Variants in ZBTB16 observed in about 807,000 individuals in gnomAD.
The protein encoded by ZBTB16 is zinc finger and BTB domain containing 16.
ZBTB16 carries 8 observed loss-of-function variants against 56.8 expected under a neutral mutation model. That is an observed-to-expected ratio of 0.14 (90% CI 0.08 to 0.25). The LOEUF (loss-of-function observed/expected upper bound fraction) is 0.25. Among genes scored for constraint, ZBTB16 ranks in the 10% least tolerant of loss-of-function variants. The probability of loss-of-function intolerance (pLI) is 1.00; values close to 1 mark genes in which losing one functional copy is unlikely to be tolerated. For synonymous variants in ZBTB16, 363 were observed against 368.5 expected, an observed-to-expected ratio of 0.98 and a Z score of 0.17; for missense variants, 625 against 903.0, an observed-to-expected ratio of 0.69 and a Z score of 3.95.
chr11:114,163,225 C>T (rs1203825165), intron 3 of ZBTB16, among the ~76,000 whole-genome samples: 1 of 136,122 alleles, frequency 7.3e-6, no homozygotes, highest in Non-Finnish European at 1.6e-5. Context: ...CACCCCTTCT[C>T]GCTTTCTGCC....
In ZBTB16 at chr11:114,254,402, AAG is replaced by A. The variant is rs1362601328; in HGVS notation, c.*3849_*3850del. ...ACAGTTTTTCCATGTTGAGAAAAAAAAGAAAAAAAAACTGCTGCAATTTTTCA... is the reference window on the plus strand; with the variant it reads ...ACAGTTTTTCCATGTTGAGAAAAAAAAAAAAAAAACTGCTGCAATTTTTCA... On this transcript the variant is annotated 3_prime_UTR_variant, in exon 7 of 7. Transcript: ENST00000335953. Among the ~76,000 whole-genome samples the A allele has an allele frequency of 2.0e-5, 3 of 152,126 alleles. No homozygotes were observed. The highest frequency in any genetic ancestry group is 4.4e-5 in the Non-Finnish European group (3 of 68,034).
intron 2 of ZBTB16, among the ~76,000 whole-genome samples, chr11:114,128,182 G>T (rs1373656802): frequency 6.6e-6 from 1 of 152,240 alleles, no homozygotes; most frequent in Non-Finnish European, 1.5e-5. Flanking sequence ...GCAGCCATGG[G>T]CGAGAAGCCA....
rs150904218 is a variant in ZBTB16 at position 114,217,080 on chromosome 11, G to A, written c.1454-25087G>A. On this transcript the variant is annotated intron_variant, in intron 4 of 6. Transcript: ENST00000335953. ...AAGTAGCCAGGATGAAGGGAGAGAA[G>A]GACAGAAGAAATGGAACTGTATGTG... Among the ~76,000 whole-genome samples, 12 of 152,298 alleles carry A rather than the reference G, an allele frequency of 7.9e-5. No individual in the cohort carries two copies. The East Asian group carries it at 2.3e-3, about 29-fold the overall frequency.
intron 4 of ZBTB16, among the ~76,000 whole-genome samples, chr11:114,196,470 G>A (rs372778608): frequency 4.6e-5 from 7 of 152,304 alleles, no homozygotes; most frequent in African/African-American, 1.7e-4. Context: ...CAGGCCCAGG[G>A]TACTAGGTTG....
At chr11:114,080,869 T>A (rs1287597530) in intron 2 of ZBTB16, among the ~76,000 whole-genome samples, 2 of 152,240 alleles carry the variant, frequency 1.3e-5, no homozygotes, top group African/African-American at 4.8e-5. Flanking sequence ...TCTCCATTCC[T>A]CCTCTTGCCA....
chr11:114,059,885 G>A lies in ZBTB16; in HGVS notation c.-91+3G>A. 2.5e-6 allele frequency: 1 copy of A among 397,708 alleles called. No individual in the cohort carries two copies. The highest frequency in any genetic ancestry group is 4.4e-6 in the Non-Finnish European group (1 of 225,586). 24.6% of individuals were successfully genotyped at this position (397,708 alleles called of 1,614,324 possible). A position where few individuals can be genotyped will look rare whatever the true frequency, so the allele number is the denominator to read the frequency against. ...CCACAGTGCCCGGCTCGGCTGCGGTGAGTGAGGGGCCGGGAAGAGGCGCAC... is the reference window on the plus strand; with the variant it reads ...CCACAGTGCCCGGCTCGGCTGCGGTAAGTGAGGGGCCGGGAAGAGGCGCAC... On this transcript the variant is annotated splice_donor_region_variant and intron_variant, in intron 1 of 6. Coordinates refer to ENST00000335953, the MANE Select transcript of ZBTB16 (RefSeq NM_006006.6). This position sits in a 1 kb window ranked among gnomAD's most constrained non-coding sequence, Gnocchi z 5.3.
intron 3 of ZBTB16, among the ~76,000 whole-genome samples, chr11:114,160,046 G>A (rs1279543290): frequency 6.6e-6 from 1 of 151,908 alleles, no homozygotes; most frequent in African/African-American, 2.4e-5. Flanking sequence ...CCCTTGCACT[G>A]GCACATTCCT....
chr11:114,089,198 G>A (rs1940085243), intron 2 of ZBTB16, among the ~76,000 whole-genome samples: 1 of 152,160 alleles, frequency 6.6e-6, no homozygotes, highest in Admixed American at 6.5e-5. Context: ...GCTTTCCTAT[G>A]GATGATGTCC....
At chr11:114,070,387 C>T (rs937083268) in intron 2 of ZBTB16, among the ~76,000 whole-genome samples, 19 of 152,070 alleles carry the variant, frequency 1.2e-4, no homozygotes, top group Non-Finnish European at 1.8e-4. Context: ...GGATTACAGG[C>T]GTGAGCCACC....
chr11:114,070,378 G>T (rs1157341230), intron 2 of ZBTB16, among the ~76,000 whole-genome samples: 1 of 152,116 alleles, frequency 6.6e-6, no homozygotes, highest in Admixed American at 6.5e-5. Flanking sequence ...AAAGTGCTGG[G>T]ATTACAGGCG....
chr11:114,120,443 G>T (rs1212148573), intron 2 of ZBTB16, among the ~76,000 whole-genome samples: 1 of 152,126 alleles, frequency 6.6e-6, no homozygotes, highest in African/African-American at 2.4e-5. Context: ...CTCTTCTACT[G>T]TTTCATCCCT....
chr11:114,101,316 TTTTG>T lies in ZBTB16; in HGVS notation c.1268+36768_1268+36771del, dbSNP rs141539134. ...CACAGCGCGAGGCCTTGTTTGGTGT[TTTTG>T]TTTGTTTGTTTGTTTGTTTTATGGA... On this transcript the variant is annotated intron_variant, in intron 2 of 6. Transcript: ENST00000335953. Among the ~76,000 whole-genome samples the T allele has an allele frequency of 7.0e-4, 107 of 152,104 alleles. 1 individual carries two copies. The highest frequency in any genetic ancestry group is 6.8e-3 in the Middle Eastern group (2 of 294).
chr11:114,142,574 A>G (rs667129), intron 2 of ZBTB16, among the ~76,000 whole-genome samples: 10,873 of 152,324 alleles, frequency 0.071, 498 homozygotes, highest in Middle Eastern at 0.22. Flanking sequence ...CCTGTTGGAC[A>G]AAGGTGGGTA....
At chr11:114,176,117 A>T (rs1943108048) in intron 3 of ZBTB16, among the ~76,000 whole-genome samples, 1 of 151,982 alleles carries the variant, frequency 6.6e-6, no homozygotes, top group South Asian at 2.1e-4. Flanking sequence ...ATAGATGAGG[A>T]TGAGAGGAGA....
chr11:114,182,911 C>A (rs188032501), intron 3 of ZBTB16, among the ~76,000 whole-genome samples: 1 of 152,280 alleles, frequency 6.6e-6, no homozygotes, highest in East Asian at 1.9e-4. Context: ...CCTCTATTAT[C>A]GATCAAAGCT....
In ZBTB16 at chr11:114,250,848, TC is replaced by T. The variant is rs1303087600; in HGVS notation, c.*295del. Reference sequence around the variant, plus strand: ...TCAAATGGTGGCACATTTTTCTCCTTCCTTCACCCAGACCTTCTTTTATGTG... The same window carrying T: ...TCAAATGGTGGCACATTTTTCTCCTTCTTCACCCAGACCTTCTTTTATGTG... On this transcript the variant is annotated 3_prime_UTR_variant, in exon 7 of 7. Coordinates refer to ENST00000335953, the MANE Select transcript of ZBTB16 (RefSeq NM_006006.6). The surrounding 1 kb of genome is among the most constrained non-coding windows in gnomAD (Gnocchi z 6.0). 6.6e-6 allele frequency among the ~76,000 whole-genome samples: 1 copy of T among 152,072 alleles called. No homozygotes were observed. Among genetic ancestry groups the T allele is most frequent in the Non-Finnish European group, 1.5e-5 (1 of 68,012 alleles).
At chr11:114,181,237 C>T (rs761200336) in intron 3 of ZBTB16, among the ~76,000 whole-genome samples, 8 of 152,200 alleles carry the variant, frequency 5.3e-5, no homozygotes, top group Non-Finnish European at 8.8e-5. Context: ...ATGGTAGCTG[C>T]GACTTACTGG....
At position 114,063,275 on chromosome 11, in the gene ZBTB16, C is replaced by T. The variant is rs1938955285; in HGVS notation, c.-26C>T. 1 of 1,612,242 alleles carries T rather than the reference C, an allele frequency of 6.2e-7. No individual in the cohort carries two copies. The highest frequency in any genetic ancestry group is 1.7e-5 in the Admixed American group (1 of 59,930). On this transcript the variant is annotated 5_prime_UTR_variant, in exon 2 of 7. Coordinates refer to ENST00000335953, the MANE Select transcript of ZBTB16 (RefSeq NM_006006.6). The surrounding 1 kb of genome is among the most constrained non-coding windows in gnomAD (Gnocchi z 6.5). ...CGCAGAGCCCAGAAGGAAAGAAAGCCTCATGCCTGAGCCGAGGGGAGCACC... is the reference window on the plus strand; with the variant it reads ...CGCAGAGCCCAGAAGGAAAGAAAGCTTCATGCCTGAGCCGAGGGGAGCACC...
Position 114,064,889 on chromosome 11 carries a change from A to T in ZBTB16, c.1268+321A>T, listed in dbSNP as rs1939055604. Among the ~76,000 whole-genome samples, 2 of 151,928 alleles carry T rather than the reference A, an allele frequency of 1.3e-5. No individual in the cohort carries two copies. The highest frequency in any genetic ancestry group is 2.9e-5 in the Non-Finnish European group (2 of 68,010). Reference sequence around the variant, plus strand: ...GGTCTGTTCTCCTTTGCTTGGAGTGACTGATAAAATGGAGAGAAGGAGAAA... The same window carrying T: ...GGTCTGTTCTCCTTTGCTTGGAGTGTCTGATAAAATGGAGAGAAGGAGAAA... On this transcript the variant is annotated intron_variant, in intron 2 of 6. Coordinates refer to ENST00000335953, the MANE Select transcript of ZBTB16 (RefSeq NM_006006.6). This position sits in a 1 kb window ranked among gnomAD's most constrained non-coding sequence, Gnocchi z 4.2.
Sources: gnomAD v4.1 joint callset for allele counts (sites outside exome capture counted in the v4.1 genomes callset) on GRCh38, gnomAD v4.1.1 for gene constraint, Gnocchi (gnomAD v3.1) non-coding constraint, MANE v1.5 for transcripts, NCBI Gene and HGNC (gene_info 2026-07-23, HGNC 2026-07-21) for gene names.